The following SAMD4B variants were observed in gnomAD, a reference collection of about 807,000 sequenced individuals.
SAMD4B encodes protein Smaug homolog 2.
Under a neutral mutation model 74.5 loss-of-function variants are expected in SAMD4B, and 5 were observed. That is an observed-to-expected ratio of 0.07 (90% CI 0.04 to 0.14). SAMD4B has a LOEUF of 0.14. SAMD4B is among the 10% of genes least tolerant of loss of function. The pLI is 1.00. For missense variants in SAMD4B, 608 were observed against 921.8 expected (o/e 0.66, Z 4.41); for synonymous variants, 373 against 374.9 (o/e 1.00, Z 0.06).
chr19:39,356,653 C>T (rs1367853817), intron 2 of SAMD4B, 36 bp from the exon 3 acceptor site: 1 of 428,818 alleles, frequency 2.3e-6, no homozygotes, highest in East Asian at 3.8e-5. Flanking sequence ...GTTTCAGCCC[C>T]TTCTTTCTGT....
chr19:39,383,834 CT>C lies in SAMD4B; in HGVS notation c.*308del. The C allele has an allele frequency of 2.1e-6, 2 of 963,978 alleles. No homozygotes were observed. The highest frequency in any genetic ancestry group is 3.1e-6 in the Non-Finnish European group (2 of 650,782). 59.7% of individuals were successfully genotyped at this position (963,978 alleles called of 1,614,324 possible). ...ATCCCCACCTGGTCCCATCCCACCC[CT>C]GCCTCCTCCAGACCGCTGACCACCT... On this transcript the variant is annotated 3_prime_UTR_variant, in exon 14 of 14. Coordinates refer to ENST00000610417, the MANE Select transcript of SAMD4B (RefSeq NM_001384574.2). This position sits in a 1 kb window ranked among gnomAD's most constrained non-coding sequence, Gnocchi z 4.1.
At chr19:39,347,927 G>A (rs1202008386) in intron 1 of SAMD4B, among the ~76,000 whole-genome samples, 1 of 149,254 alleles carries the variant, frequency 6.7e-6, no homozygotes, top group Non-Finnish European at 1.5e-5. Context: ...ATATTCTGAT[G>A]GGGGGAGGAA....
intron 3 of SAMD4B, among the ~76,000 whole-genome samples, chr19:39,365,931 T>G (rs1336308755): frequency 2.0e-5 from 3 of 152,184 alleles, no homozygotes; most frequent in African/African-American, 7.2e-5. Context: ...CTGGGCACAG[T>G]GGCTCATGCC....
Position 39,380,941 on chromosome 19 carries a change from T to G in SAMD4B, c.1849-49T>G, listed in dbSNP as rs115394599. The G allele has an allele frequency of 3.4e-3, 5,342 of 1,560,712 alleles. 135 individuals are homozygous for G. The African/African-American group carries it at 0.057, about 17-fold the overall frequency. On this transcript the variant is annotated intron_variant, in intron 11 of 13. Transcript: ENST00000610417. The stretch of plus-strand genomic sequence containing the variant: ...GTACCACCTCCACCACTCTTGGGTC[T>G]GGGCCTCTTCTGCACTCACTACTTT...
intron 2 of SAMD4B, among the ~76,000 whole-genome samples, chr19:39,356,374 C>G (rs2076342586): frequency 6.6e-6 from 1 of 152,176 alleles, no homozygotes; most frequent in South Asian, 2.1e-4. Flanking sequence ...TTTCCCACTT[C>G]TGAAAAATTT....
chr19:39,343,987 C>CA (rs922596581), intron 1 of SAMD4B, among the ~76,000 whole-genome samples: 2 of 79,278 alleles, frequency 2.5e-5, no homozygotes, highest in African/African-American at 7.6e-5. Flanking sequence ...TCAGGACCCC[C>CA]CCCCCCCACA....
At chr19:39,350,054 T>C (rs1210253928) in intron 1 of SAMD4B, 1 of 152,214 alleles carries the variant, frequency 6.6e-6, no homozygotes, top group Non-Finnish European at 1.5e-5. Flanking sequence ...TATTCATATA[T>C]GTATGTTATA....
At chr19:39,389,773 A>G, downstream of SAMD4B, 1 of 1,613,978 alleles carries the variant, frequency 6.2e-7, no homozygotes, top group Non-Finnish European at 8.5e-7. The surrounding 1 kb of genome is among the most constrained non-coding windows in gnomAD (Gnocchi z 5.3). Flanking sequence ...TGGGTGGGGA[A>G]ACACCTATTG....
chr19:39,373,818 G>T (rs2077440408), intron 4 of SAMD4B, among the ~76,000 whole-genome samples: 1 of 151,494 alleles, frequency 6.6e-6, no homozygotes, highest in Non-Finnish European at 1.5e-5. Context: ...TACAAAATTA[G>T]CCAGGCGTGG....
chr19:39,386,251 C>T, downstream of SAMD4B: 1 of 1,614,188 alleles, frequency 6.2e-7, no homozygotes, highest in Non-Finnish European at 8.5e-7. The surrounding 1 kb of genome is among the most constrained non-coding windows in gnomAD (Gnocchi z 6.1). Context: ...TCACGGGCAG[C>T]CCGGGCCTCA....
At chr19:39,371,795 C>T (rs2077316925) in intron 4 of SAMD4B, among the ~76,000 whole-genome samples, 1 of 148,206 alleles carries the variant, frequency 6.7e-6, no homozygotes, top group South Asian at 2.1e-4. Context: ...CCAGCCAGGG[C>T]AACAGAGCGA....
intron 3 of SAMD4B, among the ~76,000 whole-genome samples, chr19:39,367,643 G>A (rs1341177489): frequency 6.6e-6 from 1 of 151,216 alleles, no homozygotes; most frequent in African/African-American, 2.4e-5. Flanking sequence ...CAAGTAGCTG[G>A]AATTACAGGC....
intron 1 of SAMD4B, among the ~76,000 whole-genome samples, chr19:39,343,157 G>T (rs987355455): frequency 6.6e-6 from 1 of 151,656 alleles, no homozygotes; most frequent in Non-Finnish European, 1.5e-5. Context: ...GGCTCCCTCC[G>T]GACCCCTGTC....
At chr19:39,385,783 C>A (rs559183465), downstream of SAMD4B, 16 of 700,272 alleles carry the variant, frequency 2.3e-5, no homozygotes, top group African/African-American at 2.9e-4. Flanking sequence ...AGCCAAGATC[C>A]TTGAGCACCT....
At chr19:39,352,507 A>T (rs1312159524) in intron 1 of SAMD4B, 1 of 151,910 alleles carries the variant, frequency 6.6e-6, no homozygotes, top group Non-Finnish European at 1.5e-5. Flanking sequence ...AAAAAAAAAA[A>T]ACCTAAGACG....
rs562033942 is a variant in SAMD4B, at chr19:39,370,124, A to G, written c.666A>G (p.Thr222=). ...ACAGTATTGGGAGCAATGCAAACAC[A>G]GGTAAGTGGCGGGGGTGTCCCAGAA... ...AINSIGSNAN[T]GLPCQIHPSP... The change falls in exon 4 of 14, where the codon ACA becomes ACG. Residue 222 remains threonine, a splice_region_variant and synonymous_variant. Coordinates refer to ENST00000610417, the MANE Select transcript of SAMD4B (RefSeq NM_001384574.2). The G allele has an allele frequency of 2.5e-6, 4 of 1,579,498 alleles. No homozygotes were observed. The highest frequency in any genetic ancestry group is 2.7e-5 in the African/African-American group (2 of 73,980).
At chr19:39,376,618 C>G in intron 6 of SAMD4B, 72 bp downstream of exon 6, 1 of 1,579,126 alleles carries the variant, frequency 6.3e-7, no homozygotes, top group Non-Finnish European at 8.7e-7. Flanking sequence ...CCCAAGCCTC[C>G]TCTGTCTCCT....
chr19:39,377,443 G>T, intron 7 of SAMD4B, 42 bp from the exon 8 acceptor site: 3 of 1,448,556 alleles, frequency 2.1e-6, no homozygotes, highest in Non-Finnish European at 2.8e-6. Flanking sequence ...GTCCCTCATT[G>T]TAGGGTCTGC....
chr19:39,370,822 T>A (rs756390178), intron 4 of SAMD4B, among the ~76,000 whole-genome samples: 1 of 152,218 alleles, frequency 6.6e-6, no homozygotes, highest in Non-Finnish European at 1.5e-5. Flanking sequence ...TCAGGTATGA[T>A]CTCAGTCCGC....
Sources: allele counts gnomAD v4.1 joint callset (sites outside exome capture counted in the v4.1 genomes callset), GRCh38; gene constraint gnomAD v4.1.1; non-coding constraint Gnocchi (gnomAD v3.1); transcripts MANE v1.5; gene names NCBI Gene and HGNC (gene_info 2026-07-23, HGNC 2026-07-21).